Variants in DDX54 observed in about 807,000 individuals in gnomAD.
The protein encoded by DDX54 is ATP-dependent RNA helicase DDX54.
DDX54 carries 67 observed loss-of-function variants against 105.5 expected under a neutral mutation model. The ratio of observed to expected loss-of-function variants is 0.64; its 90% confidence interval spans 0.52 to 0.78. DDX54 has a LOEUF of 0.78. DDX54 is among the 30% of genes least tolerant of loss of function. DDX54 has a pLI of 0.00. For synonymous variants in DDX54, 514 were observed against 509.9 expected, an observed-to-expected ratio of 1.01 and a Z score of -0.11; for missense variants, 1,206 against 1,230.5, an observed-to-expected ratio of 0.98 and a Z score of 0.30.
rs1952314274 is a variant in DDX54 at position 113,169,767 on chromosome 12, C to T, written c.1414+3G>A. The T allele has an allele frequency of 6.2e-7, 1 of 1,613,750 alleles. No individual in the cohort carries two copies. The highest frequency in any genetic ancestry group is 8.5e-7 in the Non-Finnish European group (1 of 1,179,738). ...CCCCTATCCCCACCCAGCCTCCACT[C>T]ACCTGAGGGCTCCTTGAGGGGTCGG... On this transcript the variant is annotated splice_donor_region_variant and intron_variant, in intron 12 of 19. Coordinates refer to ENST00000306014, the MANE Select transcript of DDX54 (RefSeq NM_024072.4).
chr12:113,169,669 C>A, intron 12 of DDX54, 101 bp downstream of exon 12: 1 of 1,331,004 alleles, frequency 7.5e-7, no homozygotes, highest in South Asian at 1.5e-5. Context: ...TAAAAGGAAT[C>A]ATCTTCTGCT....
chr12:113,167,809 G>A, intron 12 of DDX54: 1 of 332,912 alleles, frequency 3.0e-6, no homozygotes, highest in Non-Finnish European at 6.0e-6. Flanking sequence ...CCCATGCACA[G>A]CTCTCAACCC....
chr12:113,157,257 G>A lies in DDX54; in HGVS notation c.*1620C>T. ...AAACAAAAGGAGAGCCACCCACGGAGATAAGAGTAGGTCACAAACCAATGA... is the reference window on the plus strand; with the variant it reads ...AAACAAAAGGAGAGCCACCCACGGAAATAAGAGTAGGTCACAAACCAATGA... On this transcript the variant is annotated 3_prime_UTR_variant, in exon 20 of 20. Transcript: ENST00000306014. The A allele has an allele frequency of 3.6e-6, 1 of 280,718 alleles. No homozygotes were observed. The highest frequency in any genetic ancestry group is 4.7e-5 in the Admixed American group (1 of 21,150). 17.4% of individuals were successfully genotyped at this position (280,718 alleles called of 1,614,324 possible).
chr12:113,163,359 A>T lies in DDX54; in HGVS notation c.1939-85T>A. 1 of 1,518,240 alleles carries T rather than the reference A, an allele frequency of 6.6e-7. No homozygotes were observed. The highest frequency in any genetic ancestry group is 8.8e-7 in the Non-Finnish European group (1 of 1,136,494). 94.0% of individuals were successfully genotyped at this position (1,518,240 alleles called of 1,614,324 possible). ...TGCCTCCCTACCCACCAGCCTGGCCACAGTGAGGGGCCAGTGGCTTCTCGG... is the reference window on the plus strand; with the variant it reads ...TGCCTCCCTACCCACCAGCCTGGCCTCAGTGAGGGGCCAGTGGCTTCTCGG... On this transcript the variant is annotated intron_variant, in intron 15 of 19. Coordinates refer to ENST00000306014, the MANE Select transcript of DDX54 (RefSeq NM_024072.4). The surrounding 1 kb of genome is among the most constrained non-coding windows in gnomAD (Gnocchi z 5.9).
At chr12:113,175,200 C>A (rs1036897569) in intron 7 of DDX54, 43 bp from the exon 8 acceptor site, 1 of 1,550,956 alleles carries the variant, frequency 6.4e-7, no homozygotes, top group Non-Finnish European at 8.7e-7. Context: ...GGGGCCTTCA[C>A]TCCCTGGAGT....
rs35080925 is a variant in DDX54 at position 113,165,873 on chromosome 12, G to A, written c.1574C>T (p.Ala525Val). Residue 525 changes from alanine (A) to valine (V), a missense_variant, in exon 13 of 20, where the codon GCG becomes GTG. This residue lies in a region of DDX54 where 961 missense variants were observed against 1,019.1 expected (regional missense o/e 0.94). Transcript: ENST00000306014. ...CCTCTTGATGGACTCAGGCGAGGGC[G>A]CCGGGCGTGAGCGCACATACTGCTG... ...AQQQYVRSRP[A>V]PSPESIKRAK... is the part of the protein sequence containing the mutation. The A allele has an allele frequency of 2.1e-4, 340 of 1,613,596 alleles. No individual in the cohort carries two copies. The African/African-American group carries it at 3.6e-3, about 17-fold the overall frequency.
At chr12:113,183,201 C>A (rs73208728) in intron 1 of DDX54, among the ~76,000 whole-genome samples, 8,701 of 152,252 alleles carry the variant, frequency 0.057, 303 homozygotes, top group Middle Eastern at 0.075. Flanking sequence ...TTGCCTTCTA[C>A]GGATGTGGAA....
rs764707570 is a variant in DDX54 at position 113,177,061 on chromosome 12, T to C, written c.647A>G (p.Asn216Ser). The C allele has an allele frequency of 6.2e-7, 1 of 1,614,054 alleles. No homozygotes were observed. Among genetic ancestry groups the C allele is most frequent in the East Asian group, 2.2e-5 (1 of 44,888 alleles). Residue 216 changes from asparagine (N) to serine (S), a missense_variant, in exon 6 of 20, where the codon AAT (asparagine) becomes AGT (serine). Coordinates refer to ENST00000306014, the MANE Select transcript of DDX54 (RefSeq NM_024072.4). Reference protein sequence around the residue: ...MEDQFAALHENPDIIIATPGR... With the variant: ...MEDQFAALHESPDIIIATPGR... ...CAATCCACAAACTCACATGTCGGGATTTTCGTGCAGGGCTGCAAACTGGTC... is the reference window on the plus strand; with the variant it reads ...CAATCCACAAACTCACATGTCGGGACTTTCGTGCAGGGCTGCAAACTGGTC...
intron 1 of DDX54, 112 bp downstream of exon 1, chr12:113,185,166 C>G: frequency 7.6e-7 from 1 of 1,320,146 alleles, no homozygotes; most frequent in Non-Finnish European, 9.8e-7. Flanking sequence ...TCGGCAGCCT[C>G]CCTCCCCACA....
rs1029875510 is a variant in DDX54 at position 113,163,437 on chromosome 12, G to A, written c.1939-163C>T. ...TCTTAGCTGGGTGACAGTGTCTCCT[G>A]TGGGACCCTCAGTTTCCTCATCTGC... On this transcript the variant is annotated intron_variant, in intron 15 of 19. Coordinates refer to ENST00000306014, the MANE Select transcript of DDX54 (RefSeq NM_024072.4). The surrounding 1 kb of genome is among the most constrained non-coding windows in gnomAD (Gnocchi z 5.9). 2.0e-5 allele frequency among the ~76,000 whole-genome samples: 3 copies of A among 152,162 alleles called. No homozygotes were observed. Among genetic ancestry groups the A allele is most frequent in the African/African-American group, 4.8e-5 (2 of 41,434 alleles).
At position 113,163,136 on chromosome 12, in the gene DDX54, G is replaced by A. The variant is rs374730367; in HGVS notation, c.2077C>T (p.Arg693Trp). 55 of 1,612,694 alleles carry A rather than the reference G, an allele frequency of 3.4e-5. No individual in the cohort carries two copies. The highest frequency in any genetic ancestry group is 2.0e-4 in the South Asian group (18 of 91,054). ...PYRPKDFDSERGLSISGEGGA... is the reference protein window; with the variant it reads ...PYRPKDFDSEWGLSISGEGGA... ...AGGACCCAGCCAGCCACTCACCCCCGCTCGCTGTCAAAGTCCTTGGGCCGG... is the reference window on the plus strand; with the variant it reads ...AGGACCCAGCCAGCCACTCACCCCCACTCGCTGTCAAAGTCCTTGGGCCGG... Residue 693 changes from arginine (R) to tryptophan (W), a missense_variant, in exon 16 of 20, where the codon CGG (arginine) becomes TGG (tryptophan). Physicochemically the swap from Arg to Trp is moderately radical, Grantham distance 101. Transcript: ENST00000306014. This position sits in a 1 kb window ranked among gnomAD's most constrained non-coding sequence, Gnocchi z 5.9.
Position 113,161,274 on chromosome 12 carries a change from G to T in DDX54, c.2409C>A (p.Gly803=). Residue 803 remains glycine, a synonymous_variant, in exon 19 of 20, where the codon GGC becomes GGA. Coordinates refer to ENST00000306014, the MANE Select transcript of DDX54 (RefSeq NM_024072.4). ...PERRGGKRDR[G]QGASRPHAPG... ...ACTCCCCACCCTGGCTCTCACCTTG[G>T]CCACGGTCTCGCTTCCCACCTCTTC... The T allele has an allele frequency of 6.2e-7, 1 of 1,610,998 alleles. No individual in the cohort carries two copies. The highest frequency in any genetic ancestry group is 1.7e-4 in the Middle Eastern group (1 of 6,010).
In DDX54 at chr12:113,163,280, A is replaced by ACATTTCTCAT; in HGVS notation, c.1939-7_1939-6insATGAGAAATG. ...ACGACCTCTGAGAAAATGTCCTGGC[A>ACATTTCTCAT]GAGCACAGACCAAGGCCCAGTGTCA... On this transcript the variant is annotated splice_region_variant and splice_polypyrimidine_tract_variant and intron_variant, in intron 15 of 19. Coordinates refer to ENST00000306014, the MANE Select transcript of DDX54 (RefSeq NM_024072.4). This position sits in a 1 kb window ranked among gnomAD's most constrained non-coding sequence, Gnocchi z 5.9. The ACATTTCTCAT allele has an allele frequency of 1.3e-6, 2 of 1,589,160 alleles. No individual in the cohort carries two copies. Among genetic ancestry groups the ACATTTCTCAT allele is most frequent in the Non-Finnish European group, 1.7e-6 (2 of 1,163,582 alleles).
rs370179600 is a variant in DDX54 at position 113,180,977 on chromosome 12, G to C, written c.256C>G (p.Arg86Gly). 1 of 1,613,552 alleles carries C rather than the reference G, an allele frequency of 6.2e-7. No individual in the cohort carries two copies. Among genetic ancestry groups the C allele is most frequent in the Non-Finnish European group, 8.5e-7 (1 of 1,179,828 alleles). The change falls in exon 2 of 20, where the codon CGT becomes GGT. Residue 86 changes from arginine to glycine, a missense_variant. Around this residue, in one of 3 missense-constraint regions of DDX54, gnomAD observed 212 missense variants for 155.4 expected, o/e 1.36. Coordinates refer to ENST00000306014, the MANE Select transcript of DDX54 (RefSeq NM_024072.4). Reference sequence around the variant, plus strand: ...TTCTTCTTCTTCTTGTTCTGGGCACGCACCATCTCCCGGGTGTCCGGCTCC... The same window carrying C: ...TTCTTCTTCTTCTTGTTCTGGGCACCCACCATCTCCCGGGTGTCCGGCTCC... Reference protein sequence around the residue: ...DVEPDTREMVRAQNKKKKKSG... With the variant: ...DVEPDTREMVGAQNKKKKKSG...
At position 113,178,091 on chromosome 12, in the gene DDX54, G is replaced by T. The variant is rs543200000; in HGVS notation, c.614+886C>A. ...TCTCTACAAAAAATACAAAAAATTG[G>T]CTGGGCATGGTGGTGCACACCTGTA... On this transcript the variant is annotated intron_variant, in intron 5 of 19. Transcript: ENST00000306014. 3.3e-5 allele frequency among the ~76,000 whole-genome samples: 5 copies of T among 152,134 alleles called. No homozygotes were observed. In the South Asian group the frequency reaches 1.0e-3, roughly 32 times the overall value.
chr12:113,166,658 T>C (rs1031867201), intron 12 of DDX54, among the ~76,000 whole-genome samples: 1 of 151,776 alleles, frequency 6.6e-6, no homozygotes, highest in African/African-American at 2.4e-5. Flanking sequence ...GCCGTGATGG[T>C]GCCACTGCAC....
rs967660276 is a variant in DDX54, at chr12:113,168,601, G to A, written c.1414+1169C>T. ...GAGGCCATGGTGATTGCTATTGTCTGTCCCATGCATTCCCATTCTAGGATG... is the reference window on the plus strand; with the variant it reads ...GAGGCCATGGTGATTGCTATTGTCTATCCCATGCATTCCCATTCTAGGATG... On this transcript the variant is annotated intron_variant, in intron 12 of 19. Coordinates refer to ENST00000306014, the MANE Select transcript of DDX54 (RefSeq NM_024072.4). Among the ~76,000 whole-genome samples, 5 of 152,350 alleles carry A rather than the reference G, an allele frequency of 3.3e-5. No homozygotes were observed. The East Asian group carries it at 5.8e-4, about 18-fold the overall frequency.
At chr12:113,159,368 G>A in intron 19 of DDX54, 1 of 487,780 alleles carries the variant, frequency 2.1e-6, no homozygotes, top group East Asian at 3.3e-5. Context: ...ACGGCTCTGT[G>A]CCTCAGTTTC....
At chr12:113,179,827 G>C (rs58080793) in intron 3 of DDX54, 108 bp downstream of exon 3, 1 of 1,306,402 alleles carries the variant, frequency 7.7e-7, no homozygotes, top group South Asian at 1.2e-5. Context: ...CAGAGTAAAG[G>C]GGGCAGGAGA....
Sources: gnomAD v4.1 joint callset for allele counts (sites outside exome capture counted in the v4.1 genomes callset) on GRCh38, gnomAD v4.1.1 for gene constraint, gnomAD v4.1.1 regional missense constraint, Gnocchi (gnomAD v3.1) non-coding constraint, MANE v1.5 for transcripts, NCBI Gene and HGNC (gene_info 2026-07-23, HGNC 2026-07-21) for gene names.